The following CSMD1 variants were observed in gnomAD, a reference collection of about 807,000 sequenced individuals.
CSMD1 encodes CUB and Sushi multiple domains 1.
A neutral mutation model predicts 417.5 loss-of-function variants in CSMD1; 213 were observed. The observed-to-expected ratio is 0.51, with a 90% CI of 0.46 to 0.57. The LOEUF is 0.57. CSMD1 is among the 20% of genes least tolerant of loss of function. The probability of loss-of-function intolerance (pLI) is 0.00; values close to 1 mark genes in which losing one functional copy is unlikely to be tolerated. For missense variants in CSMD1, 6,923 were observed against 4,529.7 expected, an observed-to-expected ratio of 1.53 and a Z score of -15.17; for synonymous variants, 2,862 against 1,736.8, an observed-to-expected ratio of 1.65 and a Z score of -16.11.
intron 1 of CSMD1, among the ~76,000 whole-genome samples, chr8:4,918,344 T>A (rs971874117): frequency 7.2e-5 from 11 of 152,208 alleles, no homozygotes; most frequent in African/African-American, 2.7e-4. Flanking sequence ...TCTTTTCTTT[T>A]TGCTGGAAAT....
intron 52 of CSMD1, 62 bp from the exon 53 acceptor site, chr8:3,000,193 C>T: frequency 8.1e-7 from 1 of 1,240,128 alleles, no homozygotes; most frequent in Non-Finnish European, 1.1e-6. Flanking sequence ...GTAGTACATT[C>T]ACAACTTTTA....
chr8:3,274,684 G>A (rs1288448045), intron 26 of CSMD1, among the ~76,000 whole-genome samples: 1 of 152,050 alleles, frequency 6.6e-6, no homozygotes, highest in Non-Finnish European at 1.5e-5. Context: ...ATTATGTAAT[G>A]GCCTTCTTTG....
chr8:2,966,300 TACAG>T (rs1237190047), intron 58 of CSMD1, among the ~76,000 whole-genome samples: 3 of 152,178 alleles, frequency 2.0e-5, no homozygotes, highest in Non-Finnish European at 4.4e-5. Context: ...CCCAGTGGTC[TACAG>T]ACAAAGTCTG....
At chr8:4,596,717 AAAGGAACAAT>A (rs1800299015) in intron 2 of CSMD1, among the ~76,000 whole-genome samples, 1 of 152,184 alleles carries the variant, frequency 6.6e-6, no homozygotes, top group Non-Finnish European at 1.5e-5. Context: ...GTTCATTTTG[AAAGGAACAAT>A]AAGGAACAAA....
At chr8:3,713,403 G>T (rs1385746943) in intron 6 of CSMD1, among the ~76,000 whole-genome samples, 1 of 152,074 alleles carries the variant, frequency 6.6e-6, no homozygotes, top group Non-Finnish European at 1.5e-5. Flanking sequence ...ATTGCTACTT[G>T]ATGCCACTTC....
At chr8:3,059,117 C>T (rs1418397626) in intron 49 of CSMD1, among the ~76,000 whole-genome samples, 1 of 151,734 alleles carries the variant, frequency 6.6e-6, no homozygotes, top group African/African-American at 2.4e-5. Context: ...GGAGACGCTG[C>T]AAGTGCAAAT....
intron 1 of CSMD1, among the ~76,000 whole-genome samples, chr8:4,655,823 G>C (rs182956792): frequency 6.6e-6 from 1 of 152,176 alleles, no homozygotes; most frequent in East Asian, 1.9e-4. Context: ...ACAAAATGTG[G>C]ATTAGAATTC....
At chr8:4,132,974 T>C (rs915552461) in intron 3 of CSMD1, among the ~76,000 whole-genome samples, 1 of 152,138 alleles carries the variant, frequency 6.6e-6, no homozygotes, top group South Asian at 2.1e-4. Flanking sequence ...CGCTCTGTTA[T>C]CCAGGCTGCA....
intron 3 of CSMD1, among the ~76,000 whole-genome samples, chr8:4,148,913 T>C (rs918014206): frequency 6.6e-6 from 1 of 152,156 alleles, no homozygotes; most frequent in Non-Finnish European, 1.5e-5. Flanking sequence ...TTCACCATCA[T>C]CTGCACTTTT....
At chr8:4,261,655 C>G (rs952970621) in intron 3 of CSMD1, among the ~76,000 whole-genome samples, 2 of 152,074 alleles carry the variant, frequency 1.3e-5, no homozygotes, top group African/African-American at 4.8e-5. Flanking sequence ...GGCAATCCTG[C>G]CACCTCGGCC....
intron 1 of CSMD1, among the ~76,000 whole-genome samples, chr8:4,838,351 A>G (rs974417891): frequency 3.9e-5 from 6 of 152,208 alleles, no homozygotes; most frequent in Admixed American, 6.5e-5. Flanking sequence ...TGCCTCAAAG[A>G]CTATGCAATC....
intron 3 of CSMD1, among the ~76,000 whole-genome samples, chr8:4,323,491 T>TAAGA (rs1799383687): frequency 5.2e-5 from 1 of 19,160 alleles, no homozygotes; most frequent in African/African-American, 8.3e-4. Context: ...GGGCTTTCTC[T>TAAGA]GAAACCTGTT....
At position 4,730,358 on chromosome 8, in the gene CSMD1, A is replaced by G. The variant is rs181261869; in HGVS notation, c.86-92800T>C. Among the ~76,000 whole-genome samples the G allele has an allele frequency of 4.6e-3, 702 of 152,368 alleles. 4 individuals are homozygous for G. Among genetic ancestry groups the G allele is most frequent in the Middle Eastern group, 0.014 (4 of 294 alleles). The stretch of plus-strand genomic sequence containing the variant: ...AGGCTATATAGAAAGCCCTTGAAAG[A>G]TGAAAACATATTCAAACTAAATTTG... On this transcript the variant is annotated intron_variant, in intron 1 of 69. Coordinates refer to ENST00000635120, the MANE Select transcript of CSMD1 (RefSeq NM_033225.6).
chr8:4,783,654 A>G (rs538095706), intron 1 of CSMD1, among the ~76,000 whole-genome samples: 3 of 152,286 alleles, frequency 2.0e-5, no homozygotes, highest in Admixed American at 2.0e-4. Context: ...AGCTCTTGTC[A>G]TGAACAGGCT....
chr8:3,437,127 C>A (rs1342348118), intron 12 of CSMD1, among the ~76,000 whole-genome samples: 2 of 152,118 alleles, frequency 1.3e-5, no homozygotes, highest in Non-Finnish European at 1.5e-5. Flanking sequence ...CTTGATCCTC[C>A]TGGTAGGGAG....
At chr8:4,255,362 CCA>C (rs1169429942) in intron 3 of CSMD1, among the ~76,000 whole-genome samples, 2 of 152,004 alleles carry the variant, frequency 1.3e-5, no homozygotes, top group East Asian at 3.9e-4. Flanking sequence ...AGCCCAGAGC[CCA>C]GAGAAAGGTG....
chr8:3,674,888 A>G (rs771408952), intron 7 of CSMD1, among the ~76,000 whole-genome samples: 3 of 152,196 alleles, frequency 2.0e-5, no homozygotes, highest in Non-Finnish European at 4.4e-5. Flanking sequence ...ACAACGTAAG[A>G]CTTGTTTATA....
At chr8:4,973,287 G>A (rs1810351498) in intron 1 of CSMD1, among the ~76,000 whole-genome samples, 1 of 151,994 alleles carries the variant, frequency 6.6e-6, no homozygotes, top group Non-Finnish European at 1.5e-5. Context: ...TTCGCTTTAG[G>A]TACATGATAA....
intron 3 of CSMD1, among the ~76,000 whole-genome samples, chr8:4,124,817 A>C (rs573526196): frequency 6.6e-6 from 1 of 152,292 alleles, no homozygotes; most frequent in African/African-American, 2.4e-5. Context: ...GTTTTTAACC[A>C]ATCAGGCCCA....
Sources: gnomAD v4.1 joint callset for allele counts (sites outside exome capture counted in the v4.1 genomes callset) on GRCh38, gnomAD v4.1.1 for gene constraint, MANE v1.5 for transcripts, NCBI Gene and HGNC (gene_info 2026-07-23, HGNC 2026-07-21) for gene names.